ZBTB5: variants seen among roughly 807,000 people sequenced by gnomAD.
The protein encoded by ZBTB5 is zinc finger and BTB domain-containing protein 5.
In ZBTB5, 15 loss-of-function variants were observed where a neutral mutation model predicts 37.9. The ratio of observed to expected loss-of-function variants is 0.40; its 90% CI spans 0.26 to 0.61. The LOEUF is 0.61. Ranked by LOEUF, ZBTB5 falls within the 20% of genes least tolerant of loss-of-function variation. ZBTB5 has a pLI of 0.47. For missense variants in ZBTB5, 708 were observed against 856.8 expected (o/e 0.83, Z 2.17); for synonymous variants, 315 against 312.4 (o/e 1.01, Z -0.09).
intron 1 of ZBTB5, among the ~76,000 whole-genome samples, chr9:37,451,652 ACT>A (rs1413585353): frequency 1.3e-5 from 2 of 152,100 alleles, no homozygotes; most frequent in African/African-American, 2.4e-5. Flanking sequence ...GCCTGAATAG[ACT>A]ATAACGACAC....
intron 1 of ZBTB5, among the ~76,000 whole-genome samples, chr9:37,443,562 C>A (rs1823923852): frequency 6.6e-6 from 1 of 151,984 alleles, no homozygotes; most frequent in Non-Finnish European, 1.5e-5. Flanking sequence ...GTTGCCCTTG[C>A]CAGGGGAAAT....
chr9:37,444,958 G>C (rs757447779), intron 1 of ZBTB5, among the ~76,000 whole-genome samples: 267 of 152,138 alleles, frequency 1.8e-3, no homozygotes, highest in Non-Finnish European at 2.6e-3. Flanking sequence ...GGTCTCCAAG[G>C]GGGGTGGGAA....
intron 1 of ZBTB5, among the ~76,000 whole-genome samples, chr9:37,460,851 G>C (rs890294953): frequency 1.3e-5 from 2 of 151,614 alleles, no homozygotes; most frequent in Non-Finnish European, 2.9e-5. Flanking sequence ...CCAGGTGACA[G>C]AGCAAGACCC....
chr9:37,460,002 G>A (rs956523466), intron 1 of ZBTB5, among the ~76,000 whole-genome samples: 3 of 132,702 alleles, frequency 2.3e-5, no homozygotes, highest in African/African-American at 8.6e-5. Flanking sequence ...GAGCCACTGC[G>A]CCAGGCCATT....
chr9:37,456,923 G>C (rs1048959832), intron 1 of ZBTB5, among the ~76,000 whole-genome samples: 2 of 152,154 alleles, frequency 1.3e-5, no homozygotes, highest in African/African-American at 4.8e-5. Flanking sequence ...CCAAAATAAA[G>C]ATCAAAGACT....
At chr9:37,463,855 CAA>C (rs570438860) in intron 1 of ZBTB5, among the ~76,000 whole-genome samples, 1 of 152,078 alleles carries the variant, frequency 6.6e-6, no homozygotes, top group East Asian at 1.9e-4. Context: ...CAGGACTCTT[CAA>C]AAAAAGAGTC....
intron 1 of ZBTB5, among the ~76,000 whole-genome samples, chr9:37,446,558 C>T (rs530419124): frequency 1.3e-5 from 2 of 152,220 alleles, no homozygotes; most frequent in Admixed American, 6.5e-5. Flanking sequence ...CATACTTTCC[C>T]ACTGAGGTGT....
intron 1 of ZBTB5, among the ~76,000 whole-genome samples, chr9:37,443,451 GCTAA>G (rs1257704411): frequency 6.6e-6 from 1 of 152,118 alleles, no homozygotes; most frequent in Non-Finnish European, 1.5e-5. Context: ...GTAAATGAGT[GCTAA>G]CTGACTCAGC....
chr9:37,449,591 G>A (rs989781932), intron 1 of ZBTB5, among the ~76,000 whole-genome samples: 2 of 151,696 alleles, frequency 1.3e-5, no homozygotes, highest in Non-Finnish European at 1.5e-5. Context: ...TCAGCTACTC[G>A]GGAGGCGAGG....
rs1168666409 is a variant in ZBTB5 at position 37,438,124 on chromosome 9, ATTT to A, written c.*2391_*2393del. On this transcript the variant is annotated 3_prime_UTR_variant, in exon 2 of 2. Coordinates refer to ENST00000307750, the MANE Select transcript of ZBTB5 (RefSeq NM_014872.3). ...ATATTTAGAGGCATGAATATGACAA[ATTT>A]TTTATTTCAAAAATCTCAAGTTGTA... 6.6e-6 allele frequency: 1 copy of A among 152,474 alleles called. No individual in the cohort carries two copies. The highest frequency in any genetic ancestry group is 1.5e-5 in the Non-Finnish European group (1 of 68,024). 9.4% of individuals were successfully genotyped at this position (152,474 alleles called of 1,614,324 possible).
Position 37,441,716 on chromosome 9 carries a change from C to G in ZBTB5, c.836G>C (p.Ser279Thr). The change falls in exon 2 of 2, where the codon AGT becomes ACT. Residue 279 changes from serine to threonine, a missense_variant. Around this residue, in one of 3 missense-constraint regions of ZBTB5, gnomAD observed 639 missense variants for 690.5 expected, o/e 0.93. Transcript: ENST00000307750. ...DAQVPSQSDN[S>T]AGNMAQLSMA... Reference sequence around the variant, plus strand: ...GGACAACTGTGCCATGTTGCCAGCACTGTTATCAGACTGGCTGGGCACCTG... The same window carrying G: ...GGACAACTGTGCCATGTTGCCAGCAGTGTTATCAGACTGGCTGGGCACCTG... The G allele has an allele frequency of 1.2e-6, 2 of 1,614,040 alleles. No homozygotes were observed. Among genetic ancestry groups the G allele is most frequent in the Admixed American group, 3.3e-5 (2 of 60,010 alleles).
intron 1 of ZBTB5, among the ~76,000 whole-genome samples, chr9:37,443,954 G>C (rs769103334): frequency 7.4e-4 from 112 of 151,514 alleles, no homozygotes; most frequent in Non-Finnish European, 1.3e-3. Flanking sequence ...ATGGTGGCGT[G>C]CACCTGTGGT....
rs1274376137 is a variant in ZBTB5, at chr9:37,438,950, CTCTAGATTAACAGGAGAGAA to C, written c.*1548_*1567del. Reference sequence around the variant, plus strand: ...TTATCCACACATGTGTAACTGCACACTCTAGATTAACAGGAGAGAAAACACGCTCATTTTTGTTTCCAGCT... The same window carrying C: ...TTATCCACACATGTGTAACTGCACACAACACGCTCATTTTTGTTTCCAGCT... On this transcript the variant is annotated 3_prime_UTR_variant, in exon 2 of 2. Transcript: ENST00000307750. 2.6e-5 allele frequency: 4 copies of C among 152,208 alleles called. No individual in the cohort carries two copies. The highest frequency in any genetic ancestry group is 4.4e-5 in the Non-Finnish European group (3 of 68,040). 9.4% of individuals were successfully genotyped at this position (152,208 alleles called of 1,614,324 possible). A position where few individuals can be genotyped will look rare whatever the true frequency, so the allele number is the denominator to read the frequency against.
chr9:37,461,599 C>T (rs1046051528), intron 1 of ZBTB5, among the ~76,000 whole-genome samples: 6 of 152,028 alleles, frequency 3.9e-5, no homozygotes, highest in Non-Finnish European at 7.4e-5. Flanking sequence ...CATGGTGGCA[C>T]GAGCTGTAGT....
At chr9:37,459,141 A>G (rs1217362392) in intron 1 of ZBTB5, among the ~76,000 whole-genome samples, 4 of 152,200 alleles carry the variant, frequency 2.6e-5, no homozygotes, top group African/African-American at 9.7e-5. Context: ...CTACATATTA[A>G]AGAGATTTAC....
In ZBTB5 at chr9:37,441,925, T is replaced by A; in HGVS notation, c.627A>T (p.Ile209=). 6.2e-7 allele frequency: 1 copy of A among 1,614,118 alleles called. No homozygotes were observed. Among genetic ancestry groups the A allele is most frequent in the African/African-American group, 1.3e-5 (1 of 75,064 alleles). Residue 209 remains isoleucine, a synonymous_variant, in exon 2 of 2, where the codon ATA becomes ATT. Transcript: ENST00000307750. ...ERARQRLRPS[I]DESAISDVTP... ...TAACATCTGAAATGGCAGACTCATC[T>A]ATGGAGGGTCGGAGGCGCTGCCTGG...
chr9:37,445,680 T>C (rs1186613191), intron 1 of ZBTB5, among the ~76,000 whole-genome samples: 3 of 150,856 alleles, frequency 2.0e-5, no homozygotes, highest in South Asian at 2.1e-4. Flanking sequence ...TGGAAGTCAA[T>C]AGTGGAAGAA....
chr9:37,457,458 G>C (rs1042626596), intron 1 of ZBTB5, among the ~76,000 whole-genome samples: 2 of 152,124 alleles, frequency 1.3e-5, no homozygotes, highest in Non-Finnish European at 2.9e-5. Flanking sequence ...TCGAACTCCT[G>C]GGCTCAGGTA....
intron 1 of ZBTB5, among the ~76,000 whole-genome samples, chr9:37,449,437 C>A (rs1824056896): frequency 6.6e-6 from 1 of 152,040 alleles, no homozygotes; most frequent in South Asian, 2.1e-4. Context: ...GTAGCTCATG[C>A]CTGTAATCTC....
Sources: gnomAD v4.1 joint callset for allele counts (sites outside exome capture counted in the v4.1 genomes callset) on GRCh38, gnomAD v4.1.1 for gene constraint, gnomAD v4.1.1 regional missense constraint, MANE v1.5 for transcripts, NCBI Gene and HGNC (gene_info 2026-07-23, HGNC 2026-07-21) for gene names.